ZNF385D: variants seen among roughly 807,000 people sequenced by gnomAD.
ZNF385D encodes zinc finger protein 385D, also known as zinc finger protein 659.
In ZNF385D, 15 loss-of-function variants were observed where a neutral mutation model predicts 35.8. The ratio of observed to expected loss-of-function variants is 0.42; its 90% CI spans 0.28 to 0.64. The LOEUF is 0.64. Among genes scored for constraint, ZNF385D ranks in the 30% least tolerant of loss-of-function variants. The probability of loss-of-function intolerance (pLI) is 0.23; values close to 1 mark genes in which losing one functional copy is unlikely to be tolerated. For synonymous variants in ZNF385D, 212 were observed against 186.8 expected, an observed-to-expected ratio of 1.13 and a Z score of -1.10; for missense variants, 474 against 494.6, an observed-to-expected ratio of 0.96 and a Z score of 0.39.
intron 4 of ZNF385D, among the ~76,000 whole-genome samples, chr3:21,457,639 C>T (rs1475329565): frequency 2.0e-5 from 3 of 152,264 alleles, no homozygotes; most frequent in East Asian, 3.9e-4. Flanking sequence ...CAGGCTTAAG[C>T]CACCATGCCG....
chr3:22,343,915 A>G (rs368228617), intron 2 of ZNF385D, among the ~76,000 whole-genome samples: 1 of 151,980 alleles, frequency 6.6e-6, no homozygotes, highest in Admixed American at 6.6e-5. Context: ...GCATATTTAC[A>G]TTTTACCACA....
At chr3:21,486,900 A>G (rs1247918375) in intron 4 of ZNF385D, among the ~76,000 whole-genome samples, 1 of 152,136 alleles carries the variant, frequency 6.6e-6, no homozygotes, top group East Asian at 1.9e-4. Flanking sequence ...GGCTAGGACC[A>G]TGCAAAGCAT....
intron 2 of ZNF385D, among the ~76,000 whole-genome samples, chr3:22,265,315 T>G (rs1700842434): frequency 6.6e-6 from 1 of 151,966 alleles, no homozygotes; most frequent in Non-Finnish European, 1.5e-5. Context: ...TTAAAACCAG[T>G]TTCTACTGCT....
intron 3 of ZNF385D, among the ~76,000 whole-genome samples, chr3:21,889,962 C>T (rs1477890540): frequency 1.3e-5 from 2 of 151,854 alleles, no homozygotes; most frequent in Non-Finnish European, 1.5e-5. Flanking sequence ...TGTGCGTGTG[C>T]CTGTGTGTGA....
At chr3:22,297,019 C>T (rs937923811) in intron 2 of ZNF385D, among the ~76,000 whole-genome samples, 1 of 152,034 alleles carries the variant, frequency 6.6e-6, no homozygotes, top group Non-Finnish European at 1.5e-5. Context: ...TAAGTGGAGG[C>T]CCTCATACTC....
At chr3:21,668,977 T>C (rs778106936) in intron 1 of ZNF385D, among the ~76,000 whole-genome samples, 13 of 152,208 alleles carry the variant, frequency 8.5e-5, no homozygotes, top group Non-Finnish European at 1.5e-4. Flanking sequence ...GTTTTGTTCT[T>C]AATGTTTACC....
At chr3:21,870,012 T>A (rs1226554923) in intron 3 of ZNF385D, among the ~76,000 whole-genome samples, 1 of 152,160 alleles carries the variant, frequency 6.6e-6, no homozygotes. Flanking sequence ...GGATTTTTTT[T>A]TAAAAAACAA....
intron 2 of ZNF385D, among the ~76,000 whole-genome samples, chr3:22,253,101 T>C (rs193027124): frequency 6.6e-6 from 1 of 152,128 alleles, no homozygotes; most frequent in Non-Finnish European, 1.5e-5. Flanking sequence ...GGACAAATCT[T>C]GGTCTCCCAC....
chr3:21,744,924 C>G (rs570958687), intron 1 of ZNF385D, among the ~76,000 whole-genome samples: 1 of 152,072 alleles, frequency 6.6e-6, no homozygotes, highest in Non-Finnish European at 1.5e-5. Context: ...TGTCAATGCC[C>G]GAGTACTAGC....
chr3:22,320,050 C>T, intron 2 of ZNF385D, among the ~76,000 whole-genome samples: 1 of 151,614 alleles, frequency 6.6e-6, no homozygotes, highest in East Asian at 2.0e-4. Flanking sequence ...TCACAAAACA[C>T]ATACAAACTT....
intron 3 of ZNF385D, among the ~76,000 whole-genome samples, chr3:21,977,545 G>A (rs1269347220): frequency 1.3e-5 from 2 of 152,146 alleles, no homozygotes; most frequent in African/African-American, 4.8e-5. Context: ...AGGGCCTGGT[G>A]TGGTGGCTGA....
intron 2 of ZNF385D, among the ~76,000 whole-genome samples, chr3:22,286,176 G>A (rs1342696906): frequency 1.3e-5 from 2 of 151,962 alleles, no homozygotes; most frequent in Admixed American, 6.6e-5. Context: ...TATAAAATCT[G>A]GCAAATATTT....
At chr3:22,179,124 G>C (rs998058594) in intron 2 of ZNF385D, among the ~76,000 whole-genome samples, 1 of 152,048 alleles carries the variant, frequency 6.6e-6, no homozygotes, top group Non-Finnish European at 1.5e-5. Flanking sequence ...CTGTGAAGAA[G>C]GTCATTGGTA....
At chr3:21,494,160 A>C (rs1705643676) in intron 4 of ZNF385D, among the ~76,000 whole-genome samples, 1 of 152,186 alleles carries the variant, frequency 6.6e-6, no homozygotes, top group African/African-American at 2.4e-5. Flanking sequence ...AATTACCCAC[A>C]GAGCTTTTCT....
At chr3:21,905,518 A>C (rs771511522) in intron 3 of ZNF385D, among the ~76,000 whole-genome samples, 1 of 147,970 alleles carries the variant, frequency 6.8e-6, no homozygotes, top group Non-Finnish European at 1.5e-5. Flanking sequence ...TTGACCCAAG[A>C]AGCTAAACTC....
At chr3:22,066,213 A>G (rs1471598107) in intron 3 of ZNF385D, among the ~76,000 whole-genome samples, 2 of 152,174 alleles carry the variant, frequency 1.3e-5, no homozygotes, top group Admixed American at 1.3e-4. Context: ...TATGCTCAGA[A>G]AAGAAAAGAG....
intron 2 of ZNF385D, among the ~76,000 whole-genome samples, chr3:22,243,819 A>C (rs1360294783): frequency 6.6e-6 from 1 of 150,604 alleles, no homozygotes; most frequent in Non-Finnish European, 1.5e-5. Flanking sequence ...GATGGTCAGT[A>C]CTCCAGATAT....
intron 3 of ZNF385D, among the ~76,000 whole-genome samples, chr3:21,535,583 G>A (rs550394561): frequency 7.2e-5 from 11 of 152,168 alleles, no homozygotes; most frequent in Middle Eastern, 3.4e-3. Flanking sequence ...ATAAGAATAA[G>A]AGGAAATTGC....
At chr3:21,787,635 T>A (rs1351910746) in intron 3 of ZNF385D, among the ~76,000 whole-genome samples, 1 of 151,934 alleles carries the variant, frequency 6.6e-6, no homozygotes, top group African/African-American at 2.4e-5. Flanking sequence ...CACCCTGCAA[T>A]GAAAATCACC....
Sources: allele counts gnomAD v4.1 joint callset (sites outside exome capture counted in the v4.1 genomes callset), GRCh38; gene constraint gnomAD v4.1.1; transcripts MANE v1.5; gene names NCBI Gene and HGNC (gene_info 2026-07-23, HGNC 2026-07-21).